SKIDA1: variants seen among roughly 807,000 people sequenced by gnomAD.
SKIDA1 encodes SKI/DACH domain-containing protein 1.
Under a neutral mutation model 51.4 loss-of-function variants are expected in SKIDA1, and 18 were observed. The observed-to-expected ratio is 0.35, with a 90% CI of 0.24 to 0.52. The LOEUF (loss-of-function observed/expected upper bound fraction) is 0.52, where lower values mean the gene tolerates loss of function less well. SKIDA1 is among the 20% of genes least tolerant of loss of function. The pLI is 0.95. For synonymous variants in SKIDA1, 579 were observed against 500.5 expected (o/e 1.16, Z -2.09); for missense variants, 1,104 against 1,180.6 (o/e 0.94, Z 0.95).
rs2131273662 is a variant in SKIDA1 at position 21,518,472 on chromosome 10, A to T, written c.-650T>A. On this transcript the variant is annotated 5_prime_UTR_variant, in exon 4 of 4. Transcript: ENST00000449193. ...GTCGGTATATAAATCTTTCCATTAA[A>T]CTATCGGAGCTCAGAAACAGCCTGA... The T allele has an allele frequency of 6.0e-6, 1 of 166,642 alleles. No individual in the cohort carries two copies. The highest frequency in any genetic ancestry group is 1.5e-5 in the Non-Finnish European group (1 of 67,988). 10.3% of individuals were successfully genotyped at this position (166,642 alleles called of 1,614,324 possible).
chr10:21,514,589 T>C lies in SKIDA1; in HGVS notation c.*507A>G, dbSNP rs1293483217. On this transcript the variant is annotated 3_prime_UTR_variant, in exon 4 of 4. Coordinates refer to ENST00000449193, the MANE Select transcript of SKIDA1 (RefSeq NM_207371.4). ...CCCCACAAACAAGAGCTCCAGAAAA[T>C]AACATTTTGGGCTCACAGAAACTTC... 6.8e-6 allele frequency: 1 copy of C among 146,216 alleles called. No individual in the cohort carries two copies. Among genetic ancestry groups the C allele is most frequent in the Non-Finnish European group, 1.5e-5 (1 of 66,214 alleles). The allele number at this position is 146,216 out of a possible 1,614,324, so 9.1% of individuals were successfully genotyped here.
intron 2 of SKIDA1, among the ~76,000 whole-genome samples, chr10:21,522,139 C>T (rs2032412547): frequency 6.6e-6 from 1 of 151,920 alleles, no homozygotes; most frequent in Non-Finnish European, 1.5e-5. Context: ...TGAAGGAAAA[C>T]CTAAGAGTAC....
intron 2 of SKIDA1, among the ~76,000 whole-genome samples, chr10:21,522,349 A>G (rs2032427309): frequency 7.6e-6 from 1 of 132,428 alleles, no homozygotes; most frequent in South Asian, 2.4e-4. Flanking sequence ...CATTTTGTTC[A>G]AAGTGAATTC....
In SKIDA1 at chr10:21,514,935, C is replaced by T; in HGVS notation, c.*161G>A. On this transcript the variant is annotated 3_prime_UTR_variant, in exon 4 of 4. Coordinates refer to ENST00000449193, the MANE Select transcript of SKIDA1 (RefSeq NM_207371.4). Reference sequence around the variant, plus strand: ...CCTACTCCAGAAAAAAAAAAAAAAACCCGCAACGGAAAAAAAGTAATCCGA... The same window carrying T: ...CCTACTCCAGAAAAAAAAAAAAAAATCCGCAACGGAAAAAAAGTAATCCGA... 4 of 122,358 alleles carry T rather than the reference C, an allele frequency of 3.3e-5. No individual in the cohort carries two copies. The highest frequency in any genetic ancestry group is 4.1e-5 in the Non-Finnish European group (4 of 98,528). 7.6% of individuals were successfully genotyped at this position (122,358 alleles called of 1,614,324 possible). A position where few individuals can be genotyped will look rare whatever the true frequency, so the allele number is the denominator to read the frequency against.
At chr10:21,525,452 A>C (rs2032686678) in intron 1 of SKIDA1, 95 bp downstream of exon 1, 1 of 152,164 alleles carries the variant, frequency 6.6e-6, no homozygotes, top group South Asian at 2.1e-4. Flanking sequence ...GGAGTCCCCA[A>C]AGCCGTCGAG....
rs550333279 is a variant in SKIDA1, at chr10:21,517,421, G to C, written c.402C>G (p.Asp134Glu). 1.4e-3 allele frequency: 2,137 copies of C among 1,486,096 alleles called. 16 individuals are homozygous for C. The highest frequency in any genetic ancestry group is 6.3e-3 in the Middle Eastern group (32 of 5,058). 92.1% of individuals were successfully genotyped at this position (1,486,096 alleles called of 1,614,324 possible). Reference protein sequence around the residue: ...AASPRPGFWKDKHQLWRGLSG... With the variant: ...AASPRPGFWKEKHQLWRGLSG... ...TCAGGCCCCGCCAAAGTTGGTGCTTGTCCTTCCAAAATCCCGGGCGGGGGC... is the reference window on the plus strand; with the variant it reads ...TCAGGCCCCGCCAAAGTTGGTGCTTCTCCTTCCAAAATCCCGGGCGGGGGC... The change falls in exon 4 of 4, where the codon GAC (aspartate) becomes GAG (glutamate). Residue 134 changes from aspartate to glutamate, a missense_variant. This residue lies in a region of SKIDA1 where 938 missense variants were observed against 886.4 expected (regional missense o/e 1.06). Coordinates refer to ENST00000449193, the MANE Select transcript of SKIDA1 (RefSeq NM_207371.4). The surrounding 1 kb of genome is among the most constrained non-coding windows in gnomAD (Gnocchi z 6.9).
intron 1 of SKIDA1, chr10:21,524,872 G>T (rs1015661344): frequency 1.8e-4 from 27 of 152,120 alleles, no homozygotes; most frequent in African/African-American, 5.6e-4. Flanking sequence ...ATCTCCCTCC[G>T]TTTCAAGCCA....
Position 21,516,198 on chromosome 10 carries a change from AAAC to A in SKIDA1, c.1622_1624del (p.Cys541del), listed in dbSNP as rs1389276200. On this transcript the variant is annotated inframe_deletion, in exon 4 of 4. Coordinates refer to ENST00000449193, the MANE Select transcript of SKIDA1 (RefSeq NM_207371.4). This position sits in a 1 kb window ranked among gnomAD's most constrained non-coding sequence, Gnocchi z 5.7. The stretch of plus-strand genomic sequence containing the variant: ...TACCCTATCGTTCCTTATCTCAGCG[AAAC>A]AACTCCCCAGGCTGGCCGGGCAGTA... The A allele has an allele frequency of 3.1e-6, 5 of 1,613,914 alleles. No homozygotes were observed. The highest frequency in any genetic ancestry group is 4.2e-6 in the Non-Finnish European group (5 of 1,179,910).
At chr10:21,522,231 C>T (rs563229568) in intron 2 of SKIDA1, among the ~76,000 whole-genome samples, 1 of 136,844 alleles carries the variant, frequency 7.3e-6, no homozygotes, top group Non-Finnish European at 1.5e-5. Flanking sequence ...CAAGCTTTCA[C>T]CCATACATAC....
chr10:21,514,712 C>T lies in SKIDA1; in HGVS notation c.*384G>A, dbSNP rs367969522. ...TCAGCTCTGAAATCTAGTGCATAAA[C>T]TTAATGGCTCATTGTAATATTTATT... On this transcript the variant is annotated 3_prime_UTR_variant, in exon 4 of 4. Coordinates refer to ENST00000449193, the MANE Select transcript of SKIDA1 (RefSeq NM_207371.4). The T allele has an allele frequency of 5.0e-4, 82 of 164,726 alleles. 1 individual carries two copies. In the South Asian group the frequency reaches 0.014, roughly 27 times the overall value. The allele number at this position is 164,726 out of a possible 1,614,324, so 10.2% of individuals were successfully genotyped here. A position where few individuals can be genotyped will look rare whatever the true frequency, so the allele number is the denominator to read the frequency against.
rs771067964 is a variant in SKIDA1, at chr10:21,516,537, CCCTCCTCCTCCTCTTCCT to C, written c.1268_1285del (p.Glu423_Glu428del). On this transcript the variant is annotated inframe_deletion, in exon 4 of 4. Transcript: ENST00000449193. The surrounding 1 kb of genome is among the most constrained non-coding windows in gnomAD (Gnocchi z 5.7). ...ACTGGAATCCGAGGCCCCGCTGCCC[CCCTCCTCCTCCTCTTCCT>C]CCTCCTCCTCCTCTCCCTCCTCCTC... The C allele has an allele frequency of 3.4e-5, 50 of 1,489,368 alleles. No individual in the cohort carries two copies. Among genetic ancestry groups the C allele is most frequent in the Non-Finnish European group, 4.1e-5 (45 of 1,099,780 alleles). The allele number at this position is 1,489,368 out of a possible 1,614,324, so 92.3% of individuals were successfully genotyped here. A position where few individuals can be genotyped will look rare whatever the true frequency, so the allele number is the denominator to read the frequency against.
Position 21,516,284 on chromosome 10 carries a change from T to C in SKIDA1, c.1539A>G (p.Lys513=). ...GATTCCACTCCGCCGGCGACTCCGC[T>C]TTGACACTACTCTTGAGGTCGGGAA... is the stretch of plus-strand genomic sequence containing the variant. ...GRLPDLKSSV[K]AESPAEWNLQ... Residue 513 remains lysine (K), a synonymous_variant, in exon 4 of 4, where the codon AAA becomes AAG. Transcript: ENST00000449193. The surrounding 1 kb of genome is among the most constrained non-coding windows in gnomAD (Gnocchi z 5.7). 6.2e-7 allele frequency: 1 copy of C among 1,613,900 alleles called. No homozygotes were observed. The highest frequency in any genetic ancestry group is 1.1e-5 in the South Asian group (1 of 91,086).
Position 21,517,003 on chromosome 10 carries a change from T to G in SKIDA1, c.820A>C (p.Lys274Gln), listed in dbSNP as rs1031840394. 4.9e-5 allele frequency: 55 copies of G among 1,121,900 alleles called. 1 individual carries two copies. The African/African-American group carries it at 9.1e-4, about 19-fold the overall frequency. 69.5% of individuals were successfully genotyped at this position (1,121,900 alleles called of 1,614,324 possible). The change falls in exon 4 of 4, where the codon AAG becomes CAG. Residue 274 changes from lysine to glutamine, a missense_variant. Coordinates refer to ENST00000449193, the MANE Select transcript of SKIDA1 (RefSeq NM_207371.4). This position sits in a 1 kb window ranked among gnomAD's most constrained non-coding sequence, Gnocchi z 6.9. ...PGSLSYRCKR[K>Q]RGGAKDCLLA... is the part of the protein sequence containing the mutation. ...AGGCAGTCCTTGGCGCCGCCGCGCT[T>G]GCGCTTGCAGCGGTAGCTCAGGCTC... is the stretch of plus-strand genomic sequence containing the variant.
Position 21,523,145 on chromosome 10 carries a change from A to C in SKIDA1, c.-1929+538T>G, listed in dbSNP as rs548825941. On this transcript the variant is annotated intron_variant, in intron 2 of 3. Coordinates refer to ENST00000449193, the MANE Select transcript of SKIDA1 (RefSeq NM_207371.4). ...ATGATGTAAGAAACGGCTAGGCCAC[A>C]ATCTTCCTGCTCTTCTCATCTCAAG... is the stretch of plus-strand genomic sequence containing the variant. Among the ~76,000 whole-genome samples, 9 of 151,896 alleles carry C rather than the reference A, an allele frequency of 5.9e-5. 1 individual carries two copies. The South Asian group carries it at 1.9e-3, about 32-fold the overall frequency.
chr10:21,522,038 C>T lies in SKIDA1; in HGVS notation c.-1928-558G>A, dbSNP rs565662167. On this transcript the variant is annotated intron_variant, in intron 2 of 3. Transcript: ENST00000449193. ...TTCCTCTGGAGCGAAGTAATGCACA[C>T]GGCATTTACAGTCTTTTAAATGGTT... Among the ~76,000 whole-genome samples, 12 of 152,270 alleles carry T rather than the reference C, an allele frequency of 7.9e-5. 1 individual carries two copies. Among genetic ancestry groups the T allele is most frequent in the African/African-American group, 2.9e-4 (12 of 41,552 alleles).
At chr10:21,524,495 C>T (rs1465514460) in intron 1 of SKIDA1, among the ~76,000 whole-genome samples, 1 of 147,414 alleles carries the variant, frequency 6.8e-6, no homozygotes, top group African/African-American at 2.5e-5. Context: ...TTGCAGGCCC[C>T]TTTCCTTTTG....
chr10:21,517,637 C>T lies in SKIDA1; in HGVS notation c.186G>A (p.Glu62=). 6.2e-7 allele frequency: 1 copy of T among 1,614,010 alleles called. No homozygotes were observed. The highest frequency in any genetic ancestry group is 8.5e-7 in the Non-Finnish European group (1 of 1,179,878). Residue 62 remains glutamate, a synonymous_variant, in exon 4 of 4, where the codon GAG becomes GAA. Transcript: ENST00000449193. This position sits in a 1 kb window ranked among gnomAD's most constrained non-coding sequence, Gnocchi z 6.9. ...LKVKKHHCDL[E]ELRKLKAINS... ...TAATTGCCTTGAGTTTCCGCAACTC[C>T]TCCAGATCGCAGTGGTGCTTCTTCA...
rs762261628 is a variant in SKIDA1 at position 21,515,369 on chromosome 10, T to G, written c.2454A>C (p.Gly818=). The G allele has an allele frequency of 1.9e-6, 3 of 1,614,072 alleles. No individual in the cohort carries two copies. In the South Asian group the frequency reaches 3.3e-5, roughly 18 times the overall value. The change falls in exon 4 of 4, where the codon GGA becomes GGC. Residue 818 remains glycine (G), a synonymous_variant. Transcript: ENST00000449193. ...TTATAACTGTAAAATCATCCAGTGT[T>G]CCTTCATTTGTCTCAGTTTTACCTG... ...RPTGKTETNE[G]TLDDFTVINR... is the part of the protein sequence containing the mutation.
chr10:21,516,747 C>T lies in SKIDA1; in HGVS notation c.1076G>A (p.Ser359Asn). The T allele has an allele frequency of 1.9e-6, 3 of 1,548,410 alleles. No homozygotes were observed. The highest frequency in any genetic ancestry group is 2.4e-5 in the South Asian group (2 of 83,846). The change falls in exon 4 of 4, where the codon AGT becomes AAT. Residue 359 changes from serine (S) to asparagine (N), a missense_variant. Physicochemically the swap from Ser to Asn is conservative, Grantham distance 46 (BLOSUM62 1). Coordinates refer to ENST00000449193, the MANE Select transcript of SKIDA1 (RefSeq NM_207371.4). This position sits in a 1 kb window ranked among gnomAD's most constrained non-coding sequence, Gnocchi z 5.7. ...CCGGTGGTGGTGAGGGGGGTGGTGA[C>T]TCTGCTGCGGCGGCTGGGCCCGGTG... ...HHHRAQPPQQ[S>N]HHPPHHHRPQ... is the part of the protein sequence containing the mutation.
Sources: allele counts gnomAD v4.1 joint callset (sites outside exome capture counted in the v4.1 genomes callset), GRCh38; gene constraint gnomAD v4.1.1; regional missense constraint gnomAD v4.1.1; non-coding constraint Gnocchi (gnomAD v3.1); transcripts MANE v1.5; gene names NCBI Gene and HGNC (gene_info 2026-07-23, HGNC 2026-07-21).